KATNAL1: variants seen among roughly 807,000 people sequenced by gnomAD.
The protein encoded by KATNAL1 is katanin catalytic subunit A1 like 1.
Under a neutral mutation model 55.2 loss-of-function variants are expected in KATNAL1, and 32 were observed. The observed-to-expected ratio is 0.58, with a 90% confidence interval of 0.44 to 0.78. The LOEUF (loss-of-function observed/expected upper bound fraction) is 0.78. Among genes scored for constraint, KATNAL1 ranks in the 30% least tolerant of loss-of-function variants. KATNAL1 has a pLI of 0.00. For missense variants in KATNAL1, 466 were observed against 600.9 expected (o/e 0.78, Z 2.35); for synonymous variants, 193 against 193.6 (o/e 1.00, Z 0.02).
At chr13:30,291,817 C>T (rs1460271088) in intron 1 of KATNAL1, among the ~76,000 whole-genome samples, 1 of 152,052 alleles carries the variant, frequency 6.6e-6, no homozygotes, top group Admixed American at 6.6e-5. Context: ...GAGTGGATCA[C>T]CTAAGGTTGA....
rs541509679 is a variant in KATNAL1, at chr13:30,270,326, C to T, written c.323+9737G>A. ...GGGGTCAGCCCCCCGCCCGGCCAGC[C>T]GCCCCACCCGGGAGGTGAGGGGCGC... On this transcript the variant is annotated intron_variant, in intron 3 of 10. Coordinates refer to ENST00000380615, the MANE Select transcript of KATNAL1 (RefSeq NM_032116.5). 2.3e-3 allele frequency among the ~76,000 whole-genome samples: 355 copies of T among 151,542 alleles called. 3 individuals carry two copies. Among genetic ancestry groups the T allele is most frequent in the African/African-American group, 7.9e-3 (325 of 41,342 alleles).
At chr13:30,259,806 A>G (rs61946950) in intron 3 of KATNAL1, among the ~76,000 whole-genome samples, 19,687 of 152,076 alleles carry the variant, frequency 0.13, 1,632 homozygotes, top group Non-Finnish European at 0.18. Context: ...AGGGGCGCCC[A>G]CCATTGCCCA....
At position 30,208,545 on chromosome 13, in the gene KATNAL1, C is replaced by T; in HGVS notation, c.1468G>A (p.Ala490Thr). The change falls in exon 11 of 11, where the codon GCT becomes ACT. Residue 490 changes from alanine to threonine, a missense_variant. This residue lies in a region of KATNAL1 where 213 missense variants were observed against 308.6 expected (regional missense o/e 0.69). Transcript: ENST00000380615. Reference sequence around the variant, plus strand: ...ATTAAAGAGCTGACAGAAATTCAAGCAGATCCAAATTCAACCATCCATTTT... The same window carrying T: ...ATTAAAGAGCTGACAGAAATTCAAGTAGATCCAAATTCAACCATCCATTTT... ...YEKWMVEFGSA is the reference protein window; with the variant it reads ...YEKWMVEFGST 6.5e-7 allele frequency: 1 copy of T among 1,536,546 alleles called. No homozygotes were observed. Among genetic ancestry groups the T allele is most frequent in the Non-Finnish European group, 8.8e-7 (1 of 1,136,158 alleles).
intron 3 of KATNAL1, among the ~76,000 whole-genome samples, chr13:30,270,458 T>C (rs1399180679): frequency 1.3e-5 from 2 of 152,116 alleles, no homozygotes; most frequent in African/African-American, 4.8e-5. Context: ...ATGATGACAA[T>C]GGCGGTTTTG....
In KATNAL1 at chr13:30,280,226, TAAAAAA is replaced by T; in HGVS notation, c.163-9_163-4del. ...TCCTCCAATAATTCCTGCCGAACCT[TAAAAAA>T]AAAAAATAGGCTTTATGCTAGAAGC... On this transcript the variant is annotated splice_polypyrimidine_tract_variant and splice_region_variant and intron_variant, in intron 2 of 10. Coordinates refer to ENST00000380615, the MANE Select transcript of KATNAL1 (RefSeq NM_032116.5). 4 of 1,256,730 alleles carry T rather than the reference TAAAAAA, an allele frequency of 3.2e-6. No individual in the cohort carries two copies. In the South Asian group the frequency reaches 6.2e-5, roughly 19 times the overall value. 77.8% of individuals were successfully genotyped at this position (1,256,730 alleles called of 1,614,324 possible). A position where few individuals can be genotyped will look rare whatever the true frequency, so the allele number is the denominator to read the frequency against.
At chr13:30,270,171 C>G (rs1387653783) in intron 3 of KATNAL1, among the ~76,000 whole-genome samples, 1 of 134,424 alleles carries the variant, frequency 7.4e-6, no homozygotes, top group East Asian at 2.8e-4. Context: ...GCCTCTCTGC[C>G]CAGCCAGCCG....
chr13:30,227,326 G>A, intron 9 of KATNAL1, 86 bp downstream of exon 9: 1 of 1,315,782 alleles, frequency 7.6e-7, no homozygotes, highest in Non-Finnish European at 1.1e-6. Flanking sequence ...ACTTCTTTAA[G>A]CAGAATGGCA....
chr13:30,269,785 C>A (rs1339915515), intron 3 of KATNAL1, among the ~76,000 whole-genome samples: 5 of 143,774 alleles, frequency 3.5e-5, no homozygotes, highest in African/African-American at 5.1e-5. Context: ...AAGTGAGGAG[C>A]CCCTCCGCCC....
chr13:30,290,959 G>A (rs894968772), intron 1 of KATNAL1, among the ~76,000 whole-genome samples: 3 of 152,130 alleles, frequency 2.0e-5, no homozygotes, highest in African/African-American at 4.8e-5. Context: ...TTACTCAACC[G>A]AGTAATGGAC....
chr13:30,263,819 C>T (rs1002525639), intron 3 of KATNAL1, among the ~76,000 whole-genome samples: 1 of 142,950 alleles, frequency 7.0e-6, no homozygotes, highest in Non-Finnish European at 1.5e-5. Context: ...TTTACAGATT[C>T]AATGCCATCC....
chr13:30,218,181 A>C (rs962428867), intron 9 of KATNAL1, among the ~76,000 whole-genome samples: 1 of 143,660 alleles, frequency 7.0e-6, no homozygotes, highest in African/African-American at 2.6e-5. Context: ...TAGGATACAT[A>C]AGATGTGAAC....
intron 4 of KATNAL1, among the ~76,000 whole-genome samples, chr13:30,251,551 G>A (rs1878321039): frequency 6.6e-6 from 1 of 152,114 alleles, no homozygotes; most frequent in African/African-American, 2.4e-5. Flanking sequence ...CATCTAGAAG[G>A]AACAGACCCT....
At chr13:30,225,046 G>A (rs1236625167) in intron 9 of KATNAL1, among the ~76,000 whole-genome samples, 3 of 152,104 alleles carry the variant, frequency 2.0e-5, no homozygotes, top group East Asian at 1.9e-4. Flanking sequence ...TTCAGCTCTT[G>A]GTAGTTTCTG....
intron 3 of KATNAL1, among the ~76,000 whole-genome samples, chr13:30,264,517 A>T (rs1226687589): frequency 6.6e-5 from 10 of 151,186 alleles, no homozygotes; most frequent in Non-Finnish European, 1.2e-4. Context: ...AATGAACTCA[A>T]ATTTACAAGA....
chr13:30,295,178 G>GT (rs1193863582), intron 1 of KATNAL1, among the ~76,000 whole-genome samples: 1 of 152,142 alleles, frequency 6.6e-6, no homozygotes, highest in Non-Finnish European at 1.5e-5. Flanking sequence ...AAGGCTATAG[G>GT]TGCCATAGAT....
intron 4 of KATNAL1, among the ~76,000 whole-genome samples, chr13:30,251,319 T>A (rs1593889310): frequency 1.3e-5 from 2 of 152,166 alleles, no homozygotes; most frequent in Admixed American, 1.3e-4. Context: ...AAAATAATAA[T>A]AAATCCGATT....
intron 1 of KATNAL1, among the ~76,000 whole-genome samples, chr13:30,301,878 T>G (rs1034578664): frequency 3.3e-5 from 5 of 152,164 alleles, no homozygotes; most frequent in Admixed American, 6.5e-5. Context: ...ATGTATGTAT[T>G]TATTTATTTT....
At position 30,270,662 on chromosome 13, in the gene KATNAL1, T is replaced by C. The variant is rs879701015; in HGVS notation, c.323+9401A>G. 3.6e-3 allele frequency among the ~76,000 whole-genome samples: 553 copies of C among 151,942 alleles called. 1 individual carries two copies. Among genetic ancestry groups the C allele is most frequent in the African/African-American group, 0.011 (453 of 41,422 alleles). ...TGTGCTGTGTCCACTCAGGGTTAAA[T>C]GGATTAAGGGCGGTGCAAGATGTGC... is the stretch of plus-strand genomic sequence containing the variant. On this transcript the variant is annotated intron_variant, in intron 3 of 10. Transcript: ENST00000380615.
In KATNAL1 at chr13:30,205,347, G is replaced by A. The variant is rs1042913826; in HGVS notation, c.*3193C>T. ...TTGGTCCACAGAGCTCCTACTCACT[G>A]TGTCTTGGACCAACCAATACACGTC... On this transcript the variant is annotated 3_prime_UTR_variant, in exon 11 of 11. Transcript: ENST00000380615. The A allele has an allele frequency of 1.8e-4, 27 of 152,206 alleles. No individual in the cohort carries two copies. The highest frequency in any genetic ancestry group is 5.6e-4 in the African/African-American group (23 of 41,430). 9.4% of individuals were successfully genotyped at this position (152,206 alleles called of 1,614,324 possible).
Sources: allele counts gnomAD v4.1 joint callset (sites outside exome capture counted in the v4.1 genomes callset), GRCh38; gene constraint gnomAD v4.1.1; regional missense constraint gnomAD v4.1.1; transcripts MANE v1.5; gene names NCBI Gene and HGNC (gene_info 2026-07-23, HGNC 2026-07-21).